Variants in CD99 observed in about 807,000 individuals in gnomAD.
CD99 encodes CD99 molecule (Xg blood group), also known as CD99 antigen.
Under a neutral mutation model 28.4 loss-of-function variants are expected in CD99, and 19 were observed. The observed-to-expected ratio is 0.67, with a 90% CI of 0.47 to 0.98. The LOEUF (loss-of-function observed/expected upper bound fraction) is 0.98. Ranked by LOEUF, CD99 falls within the 50% of genes least tolerant of loss-of-function variation. The pLI is 0.00. For synonymous variants in CD99, 103 were observed against 92.1 expected (o/e 1.12, Z -0.67); for missense variants, 283 against 248.8 (o/e 1.14, Z -0.92).
chrX:2,694,963 A>G (rs1398549479), intron 1 of CD99, among the ~76,000 whole-genome samples: 1 of 152,128 alleles, frequency 6.6e-6, no homozygotes, highest in Non-Finnish European at 1.5e-5. Context: ...TACTTTTCCC[A>G]ATTCAGCATT....
intron 1 of CD99, among the ~76,000 whole-genome samples, chrX:2,695,340 G>A (rs2047521989): frequency 6.6e-6 from 1 of 151,980 alleles, no homozygotes; most frequent in Admixed American, 6.6e-5. Flanking sequence ...CAATTAGCTG[G>A]GACTACAGGC....
chrX:2,706,253 G>A (rs376198277), intron 1 of CD99, among the ~76,000 whole-genome samples: 29 of 152,048 alleles, frequency 1.9e-4, no homozygotes, highest in East Asian at 1.9e-4. Context: ...CCAGCTACTC[G>A]GGAGGCTGAG....
At chrX:2,707,751 AG>A (rs2124515705) in intron 1 of CD99, among the ~76,000 whole-genome samples, 1 of 152,286 alleles carries the variant, frequency 6.6e-6, no homozygotes, top group South Asian at 2.1e-4. Context: ...CGTGCAACAC[AG>A]GCACCTGAGT....
At chrX:2,708,342 C>T (rs2048220547) in intron 1 of CD99, among the ~76,000 whole-genome samples, 1 of 152,146 alleles carries the variant, frequency 6.6e-6, no homozygotes, top group Non-Finnish European at 1.5e-5. Flanking sequence ...CCTCCCTACT[C>T]TCTGTGGGGT....
Position 2,727,195 on chromosome X carries a change from A to G in CD99, c.475+822A>G, listed in dbSNP as rs1287420306. ...GATTCCCTTTCTGTTAGTACCGAAA[A>G]CCCACAGGCACCCAGGACCTGGGAA... On this transcript the variant is annotated intron_variant, in intron 8 of 9. Coordinates refer to ENST00000381192, the MANE Select transcript of CD99 (RefSeq NM_002414.5). The G allele has an allele frequency of 5.5e-6, 4 of 725,598 alleles. No homozygotes were observed. In the Admixed American group the frequency reaches 5.9e-5, roughly 11 times the overall value. 44.9% of individuals were successfully genotyped at this position (725,598 alleles called of 1,614,324 possible).
chrX:2,725,509 A>G (rs1357537452), intron 7 of CD99, among the ~76,000 whole-genome samples: 1 of 152,240 alleles, frequency 6.6e-6, no homozygotes, highest in Non-Finnish European at 1.5e-5. Context: ...AACGATACAA[A>G]ACGCATTGGC....
At chrX:2,713,503 AC>A (rs1405454466) in intron 1 of CD99, among the ~76,000 whole-genome samples, 1 of 152,152 alleles carries the variant, frequency 6.6e-6, no homozygotes, top group Non-Finnish European at 1.5e-5. Flanking sequence ...ACAAATACAT[AC>A]ATGTGCACTG....
intron 1 of CD99, among the ~76,000 whole-genome samples, chrX:2,703,687 C>T (rs2047986942): frequency 6.6e-6 from 1 of 150,380 alleles, no homozygotes; most frequent in African/African-American, 2.5e-5. Context: ...ACACAGGGCT[C>T]TGTGAACTGC....
rs182098787 is a variant in CD99 at position 2,730,408 on chromosome X, A to G, written c.475+4035A>G. On this transcript the variant is annotated intron_variant, in intron 8 of 9. Coordinates refer to ENST00000381192, the MANE Select transcript of CD99 (RefSeq NM_002414.5). ...AGGATGGTCTTGATCTCCTGACCTC[A>G]TGATCCACCTGCCTTGGCCTCCCAA... Among the ~76,000 whole-genome samples the G allele has an allele frequency of 6.2e-3, 943 of 152,090 alleles. 14 individuals are homozygous for G. The highest frequency in any genetic ancestry group is 0.021 in the African/African-American group (861 of 41,484).
At chrX:2,700,840 C>T (rs1022110665) in intron 1 of CD99, among the ~76,000 whole-genome samples, 2 of 151,516 alleles carry the variant, frequency 1.3e-5, no homozygotes, top group African/African-American at 4.8e-5. Flanking sequence ...CATCCATCCA[C>T]CTATCTGTTC....
chrX:2,695,877 G>A (rs58309527), intron 1 of CD99, among the ~76,000 whole-genome samples: 4,537 of 152,116 alleles, frequency 0.03, 230 homozygotes, highest in African/African-American at 0.1. Context: ...CAAGTGATCT[G>A]CCCACCTTGG....
At position 2,731,322 on chromosome X, in the gene CD99, G is replaced by A. The variant is rs1453777961; in HGVS notation, c.475+4949G>A. 3.3e-5 allele frequency among the ~76,000 whole-genome samples: 5 copies of A among 152,330 alleles called. No individual in the cohort carries two copies. In the South Asian group the frequency reaches 1.0e-3, roughly 32 times the overall value. ...AAGAAACCATGGGCCAGGCGCGGTG[G>A]CTTACGCCTGTAATCCCAGCACTTT... is the stretch of plus-strand genomic sequence containing the variant. On this transcript the variant is annotated intron_variant, in intron 8 of 9. Transcript: ENST00000381192.
At chrX:2,703,221 C>T (rs1479778182) in intron 1 of CD99, among the ~76,000 whole-genome samples, 3 of 152,154 alleles carry the variant, frequency 2.0e-5, no homozygotes, top group Admixed American at 6.5e-5. Context: ...TTTGTGTTTT[C>T]GTGCTTTTTG....
chrX:2,712,798 A>G (rs773275776), intron 1 of CD99, among the ~76,000 whole-genome samples: 1 of 152,170 alleles, frequency 6.6e-6, no homozygotes, highest in Admixed American at 6.5e-5. Context: ...CAGACATACA[A>G]GCAGACGTGG....
intron 7 of CD99, among the ~76,000 whole-genome samples, chrX:2,725,884 A>T (rs1363762096): frequency 1.3e-5 from 2 of 152,136 alleles, no homozygotes; most frequent in African/African-American, 4.8e-5. Flanking sequence ...AAGTGCTGGG[A>T]TTACAGGCGT....
intron 1 of CD99, chrX:2,692,265 A>G (rs114424821): frequency 0.38 from 108,991 of 288,238 alleles, 21,432 homozygotes; most frequent in Non-Finnish European, 0.4. Flanking sequence ...TCTTTTTTCA[A>G]TGGTCAGTGC....
chrX:2,722,781 A>T (rs1199556724), intron 6 of CD99, 107 bp downstream of exon 6: 1 of 1,169,252 alleles, frequency 8.6e-7, no homozygotes, highest in African/African-American at 1.5e-5. Flanking sequence ...GTGAACTCAC[A>T]GTGAAATGTT....
intron 1 of CD99, among the ~76,000 whole-genome samples, chrX:2,701,040 C>T (rs1214341075): frequency 6.6e-6 from 1 of 151,700 alleles, no homozygotes; most frequent in African/African-American, 2.4e-5. Flanking sequence ...TACCTACTCA[C>T]CCACCTAAAC....
At position 2,691,373 on chromosome X, in the gene CD99, G is replaced by A; in HGVS notation, c.13G>A (p.Ala5Thr). The stretch of plus-strand genomic sequence containing the variant: ...CTCTGGGCGCACCATGGCCCGCGGG[G>A]CTGCGCTGGCGCTGCTGCTCTTCGG... MARG[A>T]ALALLLFGLL... Residue 5 changes from alanine to threonine, a missense_variant, in exon 1 of 10, where the codon GCT (alanine) becomes ACT (threonine). Transcript: ENST00000381192. 6.3e-7 allele frequency: 1 copy of A among 1,575,622 alleles called. No homozygotes were observed. The highest frequency in any genetic ancestry group is 8.5e-7 in the Non-Finnish European group (1 of 1,170,824).
Sources: allele counts gnomAD v4.1 joint callset (sites outside exome capture counted in the v4.1 genomes callset), GRCh38; gene constraint gnomAD v4.1.1; transcripts MANE v1.5; gene names NCBI Gene and HGNC (gene_info 2026-07-23, HGNC 2026-07-21).